DENND5B: variants seen among roughly 807,000 people sequenced by gnomAD.
The protein encoded by DENND5B is DENN domain-containing protein 5B.
A neutral mutation model predicts 140.6 loss-of-function variants in DENND5B; 34 were observed. The observed-to-expected ratio is 0.24, with a 90% CI of 0.18 to 0.32. The LOEUF is 0.32. Among genes scored for constraint, DENND5B ranks in the 10% least tolerant of loss-of-function variants. DENND5B has a pLI of 1.00. For missense variants in DENND5B, 1,142 were observed against 1,560.2 expected (o/e 0.73, Z 4.52); for synonymous variants, 551 against 562.1 (o/e 0.98, Z 0.28).
intron 1 of DENND5B, among the ~76,000 whole-genome samples, chr12:31,542,195 G>C (rs1280456514): frequency 6.6e-6 from 1 of 151,886 alleles, no homozygotes; most frequent in Non-Finnish European, 1.5e-5. Context: ...GGCTGAGGCA[G>C]GAGAATCACT....
intron 3 of DENND5B, chr12:31,477,721 A>G (rs993994146): frequency 5.6e-6 from 1 of 178,590 alleles, no homozygotes; most frequent in Non-Finnish European, 1.4e-5. Context: ...ACCAGAATAA[A>G]AAAGTACAAA....
chr12:31,452,588 C>T, intron 4 of DENND5B, 112 bp from the exon 5 acceptor site: 1 of 1,175,818 alleles, frequency 8.5e-7, no homozygotes, highest in South Asian at 1.7e-5. Context: ...CTTTGGGAGG[C>T]CAAAGCAAAA....
At chr12:31,449,731 G>GGTTTTTTT (rs1944422660) in intron 5 of DENND5B, among the ~76,000 whole-genome samples, 1 of 89,970 alleles carries the variant, frequency 1.1e-5, no homozygotes, top group African/African-American at 4.1e-5. Context: ...ACACAGATTA[G>GGTTTTTTT]TTTTTTTTTT....
intron 1 of DENND5B, among the ~76,000 whole-genome samples, chr12:31,584,820 C>T (rs1284936510): frequency 6.6e-6 from 1 of 151,498 alleles, no homozygotes; most frequent in African/African-American, 2.4e-5. Context: ...GAGACTCTGT[C>T]CCACACCCCC....
chr12:31,533,343 A>G (rs886130621), intron 1 of DENND5B, among the ~76,000 whole-genome samples: 4 of 152,226 alleles, frequency 2.6e-5, no homozygotes, highest in African/African-American at 9.6e-5. Flanking sequence ...TGGCATTTAC[A>G]TTGTATTAGC....
rs976405379 is a variant in DENND5B, at chr12:31,548,220, C to T, written c.127+42486G>A. On this transcript the variant is annotated intron_variant, in intron 1 of 20. Transcript: ENST00000389082. ...CAGCCTGGGCAACAAAGTGAAACCC[C>T]ACCTCTACAAAAAAAGTTTTAAAAA... Among the ~76,000 whole-genome samples the T allele has an allele frequency of 2.0e-5, 3 of 151,842 alleles. No individual in the cohort carries two copies. In the East Asian group the frequency reaches 5.8e-4, roughly 29 times the overall value.
At chr12:31,435,351 A>G (rs927633116) in intron 7 of DENND5B, among the ~76,000 whole-genome samples, 1 of 152,184 alleles carries the variant, frequency 6.6e-6, no homozygotes, top group South Asian at 2.1e-4. Flanking sequence ...AGTATAAAAT[A>G]CATTAGCCAA....
Position 31,590,993 on chromosome 12 carries a change from T to A in DENND5B, c.-161A>T. 2 of 806,274 alleles carry A rather than the reference T, an allele frequency of 2.5e-6. No homozygotes were observed. The highest frequency in any genetic ancestry group is 3.0e-6 in the Non-Finnish European group (2 of 657,462). 49.9% of individuals were successfully genotyped at this position (806,274 alleles called of 1,614,324 possible). The stretch of plus-strand genomic sequence containing the variant: ...CCTCTCGCCGCCGCAGCCTGCCTCC[T>A]CGCTCGGCGCGGGGGAAGCGGCCGC... On this transcript the variant is annotated 5_prime_UTR_variant, in exon 1 of 21. Transcript: ENST00000389082.
intron 13 of DENND5B, among the ~76,000 whole-genome samples, chr12:31,412,108 C>T (rs1296573494): frequency 6.6e-5 from 10 of 151,996 alleles, no homozygotes; most frequent in Non-Finnish European, 1.0e-4. Context: ...CCACCATGCC[C>T]GGTTAATTTT....
chr12:31,528,650 C>G (rs1040839346), intron 1 of DENND5B, among the ~76,000 whole-genome samples: 2 of 152,142 alleles, frequency 1.3e-5, no homozygotes, highest in African/African-American at 2.4e-5. Flanking sequence ...GCGTGCAAGG[C>G]TTTTGAGAGA....
intron 8 of DENND5B, among the ~76,000 whole-genome samples, chr12:31,429,591 T>C (rs1943417622): frequency 6.6e-6 from 1 of 151,028 alleles, no homozygotes; most frequent in Admixed American, 6.6e-5. Flanking sequence ...ATATTTTTAG[T>C]AGAGACGGGG....
At chr12:31,449,094 G>A (rs1409303832) in intron 5 of DENND5B, among the ~76,000 whole-genome samples, 1 of 152,178 alleles carries the variant, frequency 6.6e-6, no homozygotes, top group African/African-American at 2.4e-5. Context: ...AAATTTGGAA[G>A]TAAATTCCTA....
intron 3 of DENND5B, among the ~76,000 whole-genome samples, chr12:31,472,023 T>A (rs1945585003): frequency 1.3e-5 from 2 of 152,072 alleles, no homozygotes; most frequent in Admixed American, 6.6e-5. Flanking sequence ...TTTATGATAA[T>A]CGGGATATTC....
At chr12:31,399,116 C>G (rs1941645821) in intron 16 of DENND5B, among the ~76,000 whole-genome samples, 1 of 101,692 alleles carries the variant, frequency 9.8e-6, no homozygotes, top group South Asian at 3.9e-4. Flanking sequence ...GAGTGAAACT[C>G]TGTCTCAGCC....
intron 3 of DENND5B, among the ~76,000 whole-genome samples, chr12:31,474,380 G>A (rs1432894224): frequency 5.9e-5 from 9 of 152,178 alleles, no homozygotes; most frequent in Non-Finnish European, 1.5e-5. Flanking sequence ...TGCTGCTCCA[G>A]GTATTTCCCA....
At chr12:31,504,966 AG>A (rs1373397747) in intron 1 of DENND5B, among the ~76,000 whole-genome samples, 2 of 152,188 alleles carry the variant, frequency 1.3e-5, no homozygotes, top group African/African-American at 4.8e-5. Context: ...ATCTTTGTGA[AG>A]TAGAGTGCCT....
chr12:31,452,565 C>T (rs972693109), intron 4 of DENND5B, 89 bp from the exon 5 acceptor site: 2 of 1,380,172 alleles, frequency 1.4e-6, no homozygotes, highest in Admixed American at 2.8e-5. Context: ...GTGGCTCACA[C>T]ATAATCCCAG....
At chr12:31,534,867 C>A in intron 1 of DENND5B, 1 of 430,678 alleles carries the variant, frequency 2.3e-6, no homozygotes, top group Non-Finnish European at 4.6e-6. Context: ...TCTAGGTTAT[C>A]TTTGCTGTCT....
intron 16 of DENND5B, among the ~76,000 whole-genome samples, chr12:31,399,215 C>T (rs539513129): frequency 5.3e-4 from 79 of 150,062 alleles, no homozygotes; most frequent in Middle Eastern, 6.9e-3. Context: ...AAAAATTGCC[C>T]CCCTCACCTG....
Sources: allele counts gnomAD v4.1 joint callset (sites outside exome capture counted in the v4.1 genomes callset), GRCh38; gene constraint gnomAD v4.1.1; transcripts MANE v1.5; gene names NCBI Gene and HGNC (gene_info 2026-07-23, HGNC 2026-07-21).